The following TMPRSS13 variants were observed in gnomAD, a reference collection of about 807,000 sequenced individuals.
TMPRSS13 encodes the protein transmembrane serine protease 13, also known as transmembrane protease serine 13.
TMPRSS13 carries 50 observed loss-of-function variants against 68.4 expected under a neutral mutation model. The ratio of observed to expected loss-of-function variants is 0.73; its 90% CI spans 0.58 to 0.93. The LOEUF (loss-of-function observed/expected upper bound fraction) is 0.93, where lower values mean the gene tolerates loss of function less well. Among genes scored for constraint, TMPRSS13 ranks in the 40% least tolerant of loss-of-function variants. The pLI, the probability that TMPRSS13 is intolerant of heterozygous loss-of-function variation, is 0.00. For missense variants in TMPRSS13, 615 were observed against 729.2 expected (o/e 0.84, Z 1.80); for synonymous variants, 267 against 285.8 (o/e 0.93, Z 0.66).
chr11:117,907,673 C>T (rs931917513), intron 9 of TMPRSS13: 4 of 371,052 alleles, frequency 1.1e-5, no homozygotes, highest in Non-Finnish European at 1.5e-5. Flanking sequence ...CCAATCTTTT[C>T]GGGACCCACC....
intron 1 of TMPRSS13, among the ~76,000 whole-genome samples, chr11:117,919,125 T>G (rs148310211): frequency 2.4e-3 from 358 of 152,238 alleles, no homozygotes; most frequent in Middle Eastern, 0.014. Flanking sequence ...GTCACCTGCT[T>G]AGGCTACGCA....
intron 1 of TMPRSS13, among the ~76,000 whole-genome samples, chr11:117,927,771 G>A (rs886900258): frequency 5.3e-5 from 8 of 152,132 alleles, no homozygotes; most frequent in African/African-American, 1.9e-4. Context: ...CTTAAATAGG[G>A]GAGTGAAGTT....
intron 1 of TMPRSS13, among the ~76,000 whole-genome samples, chr11:117,923,950 T>C (rs886567981): frequency 4.0e-5 from 6 of 151,782 alleles, no homozygotes; most frequent in Non-Finnish European, 8.8e-5. Flanking sequence ...CAGTCCAGTT[T>C]AAGCCAATTG....
Position 117,914,445 on chromosome 11 carries a change from A to G in TMPRSS13, c.626T>C (p.Val209Ala), listed in dbSNP as rs780215658. 7 of 1,613,928 alleles carry G rather than the reference A, an allele frequency of 4.3e-6. No homozygotes were observed. Residue 209 changes from valine (V) to alanine (A), a missense_variant, in exon 4 of 13, where the codon GTT becomes GCT. Transcript: ENST00000524993. The surrounding 1 kb of genome is among the most constrained non-coding windows in gnomAD (Gnocchi z 4.2). The part of the protein sequence containing the change: ...EQRESCPKHA[V>A]RCDGVVDCKL... ...GCAGTCCACCACCCCGTCACAGCGA[A>G]CAGCGTGCTTGGGACAGCTCTCCCT... is the stretch of plus-strand genomic sequence containing the variant.
chr11:117,923,136 C>G (rs530451721), intron 1 of TMPRSS13, among the ~76,000 whole-genome samples: 132 of 152,352 alleles, frequency 8.7e-4, no homozygotes, highest in African/African-American at 3.1e-3. Context: ...ACTTTACAGA[C>G]TGAGAGGTAG....
chr11:117,903,782 C>A lies in TMPRSS13; in HGVS notation c.1550G>T (p.Cys517Phe), dbSNP rs1245177606. ...CQGDSGGPLV[C>F]EQNNRWYLAG... Reference sequence around the variant, plus strand: ...CAGGTACCAGCGGTTGTTCTGCTCACAGACAAGAGGCCCCCCGCTGTCTCC... The same window carrying A: ...CAGGTACCAGCGGTTGTTCTGCTCAAAGACAAGAGGCCCCCCGCTGTCTCC... The change falls in exon 12 of 13, where the codon TGT becomes TTT. Residue 517 changes from cysteine (C) to phenylalanine (F), a missense_variant. By Grantham distance (205) the Cys-to-Phe change is radical. Transcript: ENST00000524993. 2 of 1,611,640 alleles carry A rather than the reference C, an allele frequency of 1.2e-6. No homozygotes were observed. The highest frequency in any genetic ancestry group is 1.7e-6 in the Non-Finnish European group (2 of 1,178,946).
At chr11:117,912,704 AC>A (rs2057536218) in intron 5 of TMPRSS13, among the ~76,000 whole-genome samples, 2 of 152,146 alleles carry the variant, frequency 1.3e-5, no homozygotes, top group Non-Finnish European at 2.9e-5. Flanking sequence ...TTAGTGCTTC[AC>A]CCACATCCTC....
At position 117,929,401 on chromosome 11, in the gene TMPRSS13, T is replaced by G; in HGVS notation, c.-94A>C. On this transcript the variant is annotated 5_prime_UTR_variant, in exon 1 of 13. Coordinates refer to ENST00000524993, the MANE Select transcript of TMPRSS13 (RefSeq NM_001077263.3). ...TTCTCAGGCATGTAGGGTAAAGGAG[T>G]TGGAGGGCCAAGGGCCAGCCCCCAC... is the stretch of plus-strand genomic sequence containing the variant. 4 of 1,243,972 alleles carry G rather than the reference T, an allele frequency of 3.2e-6. No individual in the cohort carries two copies. The highest frequency in any genetic ancestry group is 4.5e-6 in the Non-Finnish European group (4 of 887,992). 77.1% of individuals were successfully genotyped at this position (1,243,972 alleles called of 1,614,324 possible).
At chr11:117,925,220 C>T (rs146496606) in intron 1 of TMPRSS13, among the ~76,000 whole-genome samples, 52 of 152,250 alleles carry the variant, frequency 3.4e-4, no homozygotes, top group Middle Eastern at 3.4e-3. Context: ...TTTCATACAG[C>T]GGAGTCAACA....
At chr11:117,903,009 G>T in intron 12 of TMPRSS13, 1 of 1,030,004 alleles carries the variant, frequency 9.7e-7, no homozygotes, top group Non-Finnish European at 1.2e-6. Context: ...TCTGAGGTTG[G>T]ATATAGGTTA....
intron 7 of TMPRSS13, 148 bp from the exon 8 acceptor site, chr11:117,910,116 G>T (rs918078641): frequency 1.1e-6 from 1 of 939,774 alleles, no homozygotes; most frequent in Non-Finnish European, 1.6e-6. Flanking sequence ...CCATGGACGG[G>T]CTTTGCTCCC....
intron 12 of TMPRSS13, 131 bp from the exon 13 acceptor site, chr11:117,902,396 A>G: frequency 1.1e-6 from 1 of 914,936 alleles, no homozygotes; most frequent in Non-Finnish European, 1.8e-6. Flanking sequence ...AAGGAGGGAG[A>G]GCAAAGGGAA....
chr11:117,905,793 G>T, intron 9 of TMPRSS13, 57 bp from the exon 10 acceptor site: 1 of 1,380,464 alleles, frequency 7.2e-7, no homozygotes, highest in South Asian at 1.2e-5. Flanking sequence ...TTCAGTAGGG[G>T]GAGGGAGAAG....
chr11:117,929,248 G>A lies in TMPRSS13; in HGVS notation c.21+39C>T, dbSNP rs370183735. The stretch of plus-strand genomic sequence containing the variant: ...CCAGCCTCAGCCCTGCTTCCTCAGC[G>A]CTGGGAGAATCTGGCCCGAGGCCTG... On this transcript the variant is annotated intron_variant, in intron 1 of 12. Transcript: ENST00000524993. 193 of 1,585,482 alleles carry A rather than the reference G, an allele frequency of 1.2e-4. 1 individual carries two copies. The highest frequency in any genetic ancestry group is 3.3e-4 in the Middle Eastern group (2 of 6,022).
chr11:117,902,956 C>T, intron 12 of TMPRSS13: 23 of 1,012,332 alleles, frequency 2.3e-5, no homozygotes, highest in Non-Finnish European at 2.6e-5. Flanking sequence ...AGGTAAGGCA[C>T]ACACTGAAGG....
intron 1 of TMPRSS13, among the ~76,000 whole-genome samples, chr11:117,921,190 T>G (rs961810758): frequency 6.6e-6 from 1 of 152,178 alleles, no homozygotes; most frequent in African/African-American, 2.4e-5. Flanking sequence ...TAACCAGGCC[T>G]GCTTGGAGCA....
Position 117,922,851 on chromosome 11 carries a change from C to T in TMPRSS13, c.22-4013G>A, listed in dbSNP as rs2057661869. On this transcript the variant is annotated intron_variant, in intron 1 of 12. Transcript: ENST00000524993. The surrounding 1 kb of genome is among the most constrained non-coding windows in gnomAD (Gnocchi z 4.2). ...GGGTAGTCTCTGAGGTTACCCCCTG[C>T]AGTAACACAATTGTAAGCCCTTACC... Among the ~76,000 whole-genome samples, 1 of 152,226 alleles carries T rather than the reference C, an allele frequency of 6.6e-6. No individual in the cohort carries two copies. Among genetic ancestry groups the T allele is most frequent in the Admixed American group, 6.5e-5 (1 of 15,284 alleles).
intron 9 of TMPRSS13, 113 bp downstream of exon 9, chr11:117,908,499 C>A: frequency 8.5e-7 from 1 of 1,175,422 alleles, no homozygotes; most frequent in Admixed American, 2.0e-5. Context: ...TTGACTTCTG[C>A]CCTGCAGAAG....
intron 1 of TMPRSS13, among the ~76,000 whole-genome samples, chr11:117,920,704 G>T (rs1037019835): frequency 1.3e-5 from 2 of 151,972 alleles, no homozygotes; most frequent in African/African-American, 2.4e-5. Flanking sequence ...GGCCAGGCTG[G>T]TCTCAAACTC....
Sources: gnomAD v4.1 joint callset for allele counts (sites outside exome capture counted in the v4.1 genomes callset) on GRCh38, gnomAD v4.1.1 for gene constraint, Gnocchi (gnomAD v3.1) non-coding constraint, MANE v1.5 for transcripts, NCBI Gene and HGNC (gene_info 2026-07-23, HGNC 2026-07-21) for gene names.